Variants in RBFOX1 observed in about 807,000 individuals in gnomAD.
RBFOX1 encodes the protein RNA binding fox-1 homolog 1, also known as RNA binding protein fox-1 homolog 1.
In RBFOX1, 8 loss-of-function variants were observed where a neutral mutation model predicts 57.7. The observed-to-expected ratio is 0.14, with a 90% CI of 0.08 to 0.25. The LOEUF (loss-of-function observed/expected upper bound fraction) is 0.25, where lower values mean the gene tolerates loss of function less well. Among genes scored for constraint, RBFOX1 ranks in the 10% least tolerant of loss-of-function variants. The pLI is 1.00. For synonymous variants in RBFOX1, 326 were observed against 222.4 expected (o/e 1.47, Z -4.15); for missense variants, 611 against 548.5 (o/e 1.11, Z -1.14).
At chr16:5,740,160 G>A (rs1455608073) in intron 3 of RBFOX1, among the ~76,000 whole-genome samples, 2 of 152,216 alleles carry the variant, frequency 1.3e-5, no homozygotes, top group Non-Finnish European at 1.5e-5. Context: ...AAACACACGG[G>A]GAGGAGGCTG....
chr16:7,304,183 G>C, intron 4 of RBFOX1: 1 of 976,380 alleles, frequency 1.0e-6, no homozygotes, highest in South Asian at 4.8e-5. Context: ...GGAGGGAGGA[G>C]GAAAGAGGGG....
At chr16:7,114,788 C>T (rs1257137390) in intron 4 of RBFOX1, among the ~76,000 whole-genome samples, 1 of 152,168 alleles carries the variant, frequency 6.6e-6, no homozygotes, top group Non-Finnish European at 1.5e-5. Flanking sequence ...GTCTTGCTAA[C>T]TCGTTGTCCT....
At chr16:6,505,912 A>G (rs528667479) in intron 2 of RBFOX1, among the ~76,000 whole-genome samples, 42 of 152,302 alleles carry the variant, frequency 2.8e-4, no homozygotes, top group Non-Finnish European at 5.3e-4. Context: ...CCTGTTACCT[A>G]GGAGCATACA....
chr16:5,490,723 C>G (rs1475382841), intron 2 of RBFOX1, among the ~76,000 whole-genome samples: 1 of 152,204 alleles, frequency 6.6e-6, no homozygotes, highest in Non-Finnish European at 1.5e-5. Flanking sequence ...TGGACCAGAG[C>G]AGCCGCGTGG....
At chr16:7,113,801 T>C (rs1233106919) in intron 4 of RBFOX1, among the ~76,000 whole-genome samples, 1 of 152,158 alleles carries the variant, frequency 6.6e-6, no homozygotes, top group African/African-American at 2.4e-5. Flanking sequence ...GGCATTAAAG[T>C]TCCCTCCCGT....
intron 3 of RBFOX1, among the ~76,000 whole-genome samples, chr16:6,946,897 C>G (rs752589063): frequency 7.2e-5 from 11 of 152,148 alleles, no homozygotes; most frequent in African/African-American, 2.7e-4. Flanking sequence ...GTATGAGTCA[C>G]CACATCCAGC....
intron 1 of RBFOX1, among the ~76,000 whole-genome samples, chr16:6,048,346 A>G (rs951766083): frequency 6.6e-6 from 1 of 152,160 alleles, no homozygotes; most frequent in Non-Finnish European, 1.5e-5. Flanking sequence ...TGCATTATCT[A>G]TAATCTGGGA....
At chr16:6,301,922 G>A (rs1479219910) in intron 1 of RBFOX1, among the ~76,000 whole-genome samples, 1 of 152,128 alleles carries the variant, frequency 6.6e-6, no homozygotes, top group Non-Finnish European at 1.5e-5. Flanking sequence ...CCACTTGGCA[G>A]AAGAACATCC....
At chr16:5,412,049 C>T (rs2151465956) in intron 1 of RBFOX1, among the ~76,000 whole-genome samples, 1 of 152,248 alleles carries the variant, frequency 6.6e-6, no homozygotes, top group South Asian at 2.1e-4. Context: ...TACCATTTGC[C>T]ACCAAGATGC....
At chr16:6,875,395 G>A (rs750378694) in intron 3 of RBFOX1, among the ~76,000 whole-genome samples, 1 of 152,126 alleles carries the variant, frequency 6.6e-6, no homozygotes, top group Non-Finnish European at 1.5e-5. Flanking sequence ...CTCTGAAGCT[G>A]GTAGTGGTTT....
intron 1 of RBFOX1, among the ~76,000 whole-genome samples, chr16:5,451,377 G>A (rs1034777765): frequency 6.6e-6 from 1 of 152,128 alleles, no homozygotes; most frequent in Non-Finnish European, 1.5e-5. Flanking sequence ...ATGAAACATC[G>A]ATTCTCAGAA....
chr16:7,632,086 T>A (rs2061059484), intron 11 of RBFOX1, among the ~76,000 whole-genome samples: 1 of 152,140 alleles, frequency 6.6e-6, no homozygotes, highest in Non-Finnish European at 1.5e-5. Flanking sequence ...TTTTTGTATT[T>A]TTAGCAGAGA....
chr16:7,368,528 C>T (rs1426282893), intron 4 of RBFOX1, among the ~76,000 whole-genome samples: 5 of 151,972 alleles, frequency 3.3e-5, no homozygotes, highest in Non-Finnish European at 7.4e-5. Context: ...CCTGTAATCC[C>T]AGCACTTTGG....
intron 3 of RBFOX1, among the ~76,000 whole-genome samples, chr16:6,868,482 A>ATT (rs35126716): frequency 2.0e-4 from 30 of 151,424 alleles, no homozygotes; most frequent in African/African-American, 6.1e-4. Context: ...TTGGTTTATG[A>ATT]TTTTTTTTTG....
intron 2 of RBFOX1, among the ~76,000 whole-genome samples, chr16:6,619,604 G>C (rs1488721778): frequency 6.6e-6 from 1 of 151,400 alleles, no homozygotes; most frequent in Non-Finnish European, 1.5e-5. Context: ...CTAAGGGTAG[G>C]AGACTGCCTT....
chr16:7,639,542 A>T (rs1031101733), intron 11 of RBFOX1, among the ~76,000 whole-genome samples: 2 of 152,106 alleles, frequency 1.3e-5, no homozygotes, highest in African/African-American at 2.4e-5. Context: ...TGCTGTGAAG[A>T]TACTCTCAAG....
chr16:5,751,613 G>C (rs2053208068), intron 3 of RBFOX1, among the ~76,000 whole-genome samples: 1 of 152,172 alleles, frequency 6.6e-6, no homozygotes, highest in African/African-American at 2.4e-5. Context: ...AGATACTGGA[G>C]AGCAGAACCG....
chr16:5,375,148 A>G (rs1346881007), intron 1 of RBFOX1, among the ~76,000 whole-genome samples: 1 of 151,552 alleles, frequency 6.6e-6, no homozygotes, highest in Non-Finnish European at 1.5e-5. Flanking sequence ...TAGGTTACAT[A>G]GAGTTAAACC....
intron 2 of RBFOX1, among the ~76,000 whole-genome samples, chr16:6,353,220 G>C (rs1009629811): frequency 6.6e-6 from 1 of 152,054 alleles, no homozygotes; most frequent in Non-Finnish European, 1.5e-5. Context: ...AATGGGAAAT[G>C]CTGCCGCTTT....
Sources: gnomAD v4.1 joint callset for allele counts (sites outside exome capture counted in the v4.1 genomes callset) on GRCh38, gnomAD v4.1.1 for gene constraint, MANE v1.5 for transcripts, NCBI Gene and HGNC (gene_info 2026-07-23, HGNC 2026-07-21) for gene names.